CSMD3: variants seen among roughly 807,000 people sequenced by gnomAD.
The protein encoded by CSMD3 is CUB and sushi domain-containing protein 3.
Under a neutral mutation model 435.2 loss-of-function variants are expected in CSMD3, and 177 were observed. The observed-to-expected ratio is 0.41, with a 90% CI of 0.36 to 0.46. The LOEUF is 0.46. Among genes scored for constraint, CSMD3 ranks in the 20% least tolerant of loss-of-function variants. The probability of loss-of-function intolerance (pLI) is 0.34; values close to 1 mark genes in which losing one functional copy is unlikely to be tolerated. For missense variants in CSMD3, 4,265 were observed against 4,504.6 expected (o/e 0.95, Z 1.52); for synonymous variants, 1,656 against 1,520.5 (o/e 1.09, Z -2.07).
At chr8:113,336,580 C>T (rs1057370090) in intron 1 of CSMD3, among the ~76,000 whole-genome samples, 2 of 152,004 alleles carry the variant, frequency 1.3e-5, no homozygotes, top group Non-Finnish European at 2.9e-5. Flanking sequence ...TCTGAGTCTA[C>T]CCCAGCAGTG....
chr8:112,787,490 T>C (rs541726494), intron 13 of CSMD3, among the ~76,000 whole-genome samples: 2 of 152,242 alleles, frequency 1.3e-5, no homozygotes, highest in East Asian at 3.9e-4. Flanking sequence ...TGCACTCCCA[T>C]ATTTGTCGCA....
intron 32 of CSMD3, among the ~76,000 whole-genome samples, chr8:112,416,806 G>GA (rs879419175): frequency 1.1e-3 from 158 of 147,660 alleles, no homozygotes; most frequent in African/African-American, 2.3e-3. Flanking sequence ...GACAGTGTCA[G>GA]AAAAAAAAAA....
rs2131546466 is a variant in CSMD3, at chr8:113,098,820, C to A, written c.853G>T (p.Asp285Tyr). 1.2e-6 allele frequency: 2 copies of A among 1,612,802 alleles called. No individual in the cohort carries two copies. The highest frequency in any genetic ancestry group is 2.2e-5 in the South Asian group (2 of 91,044). ...PGDTISLIFT[D>Y]FQMEEKYDYL... ...TCATATTTCTCTTCCATTTGAAAAT[C>A]AGTAAATATGAGTGAAATTGTGTCC... The change falls in exon 5 of 71, where the codon GAT becomes TAT. Residue 285 changes from aspartate to tyrosine, a missense_variant. This residue lies in a region of CSMD3 where 731 missense variants were observed against 755.4 expected (regional missense o/e 0.97). Transcript: ENST00000297405.
chr8:112,962,851 G>A (rs939446001), intron 7 of CSMD3, among the ~76,000 whole-genome samples: 2 of 151,780 alleles, frequency 1.3e-5, no homozygotes, highest in Non-Finnish European at 2.9e-5. Flanking sequence ...GATCTGAATG[G>A]CTACATCCTT....
intron 3 of CSMD3, among the ~76,000 whole-genome samples, chr8:113,241,564 T>C (rs2093217892): frequency 6.6e-6 from 1 of 151,826 alleles, no homozygotes; most frequent in African/African-American, 2.4e-5. Context: ...TCAAATGCTA[T>C]TTGTAAATTC....
intron 3 of CSMD3, among the ~76,000 whole-genome samples, chr8:113,271,204 C>A (rs937221714): frequency 1.3e-5 from 2 of 152,098 alleles, no homozygotes; most frequent in African/African-American, 4.8e-5. Context: ...AAAACAAAAA[C>A]CCATTTTTTG....
At chr8:112,711,026 T>C (rs552015957) in intron 13 of CSMD3, among the ~76,000 whole-genome samples, 10 of 151,982 alleles carry the variant, frequency 6.6e-5, no homozygotes, top group South Asian at 2.1e-4. Context: ...ATTGAACTAA[T>C]TGCTGTTGAT....
At chr8:113,303,961 C>T (rs2093796400) in intron 2 of CSMD3, among the ~76,000 whole-genome samples, 1 of 138,626 alleles carries the variant, frequency 7.2e-6, no homozygotes, top group African/African-American at 2.6e-5. Flanking sequence ...AAACTACCAT[C>T]AGAGTGAACA....
chr8:113,219,883 C>G (rs2092947223), intron 3 of CSMD3, among the ~76,000 whole-genome samples: 1 of 151,316 alleles, frequency 6.6e-6, no homozygotes, highest in Non-Finnish European at 1.5e-5. Context: ...AAATATATTA[C>G]AAACAAAGTG....
intron 16 of CSMD3, among the ~76,000 whole-genome samples, chr8:112,675,229 C>G (rs1391426164): frequency 1.3e-5 from 2 of 152,090 alleles, no homozygotes; most frequent in African/African-American, 4.8e-5. Flanking sequence ...GCAAATATAA[C>G]AATGTTCAAA....
intron 1 of CSMD3, among the ~76,000 whole-genome samples, chr8:113,361,235 TGA>T (rs2094273748): frequency 6.6e-6 from 1 of 152,188 alleles, no homozygotes; most frequent in African/African-American, 2.4e-5. Context: ...AACTTAGCAC[TGA>T]TGTTACACTT....
In CSMD3 at chr8:113,360,867, C is replaced by G. The variant is rs541459248; in HGVS notation, c.179-46074G>C. Among the ~76,000 whole-genome samples the G allele has an allele frequency of 4.7e-3, 722 of 152,178 alleles. 1 individual carries two copies. The highest frequency in any genetic ancestry group is 6.9e-3 in the Non-Finnish European group (471 of 68,006). ...GGATTACAGGCGTGAGCCACCGCGC[C>G]CGGCCGTGACTTCAGTCTTAATGAA... On this transcript the variant is annotated intron_variant, in intron 1 of 70. Coordinates refer to ENST00000297405, the MANE Select transcript of CSMD3 (RefSeq NM_198123.2).
At chr8:112,350,154 A>G (rs1468346430) in intron 40 of CSMD3, among the ~76,000 whole-genome samples, 1 of 152,154 alleles carries the variant, frequency 6.6e-6, no homozygotes, top group African/African-American at 2.4e-5. Context: ...CAGAACTCTG[A>G]GAAAATAAAT....
intron 3 of CSMD3, among the ~76,000 whole-genome samples, chr8:113,254,760 T>C (rs72670717): frequency 0.066 from 10,064 of 152,224 alleles, 448 homozygotes; most frequent in Non-Finnish European, 0.095. Context: ...AAAATAAAAA[T>C]TGTTGGAAAT....
At chr8:112,372,099 T>TC (rs1334261710) in intron 38 of CSMD3, among the ~76,000 whole-genome samples, 3 of 151,442 alleles carry the variant, frequency 2.0e-5, no homozygotes, top group Non-Finnish European at 4.4e-5. Context: ...ATAAAAATAA[T>TC]CCATACACAC....
At chr8:112,546,995 T>A (rs1827240720) in intron 27 of CSMD3, among the ~76,000 whole-genome samples, 2 of 152,328 alleles carry the variant, frequency 1.3e-5, no homozygotes, top group Admixed American at 1.3e-4. Context: ...GTTCTGCTAC[T>A]ATTGCCTGAT....
chr8:112,815,015 A>G (rs1416717246), intron 12 of CSMD3, among the ~76,000 whole-genome samples: 1 of 152,032 alleles, frequency 6.6e-6, no homozygotes, highest in Non-Finnish European at 1.5e-5. Context: ...CTTCTAGTAC[A>G]ATGTTATAAA....
At chr8:112,960,171 T>A (rs1013053312) in intron 7 of CSMD3, among the ~76,000 whole-genome samples, 1 of 151,606 alleles carries the variant, frequency 6.6e-6, no homozygotes, top group African/African-American at 2.4e-5. Context: ...AGTCAGCAAG[T>A]ACAAAAATTT....
intron 5 of CSMD3, among the ~76,000 whole-genome samples, chr8:113,025,716 C>A (rs140698161): frequency 1.0e-3 from 159 of 152,066 alleles, no homozygotes; most frequent in African/African-American, 3.4e-3. Context: ...CTGTCAGGCA[C>A]ACATGGGTGT....
Sources: allele counts gnomAD v4.1 joint callset (sites outside exome capture counted in the v4.1 genomes callset), GRCh38; gene constraint gnomAD v4.1.1; regional missense constraint gnomAD v4.1.1; transcripts MANE v1.5; gene names NCBI Gene and HGNC (gene_info 2026-07-23, HGNC 2026-07-21).